MCU: variants seen among roughly 807,000 people sequenced by gnomAD.
MCU encodes mitochondrial calcium uniporter.
In MCU, 12 loss-of-function variants were observed where a neutral mutation model predicts 45.2. That is an observed-to-expected ratio of 0.27 (90% CI 0.17 to 0.43). MCU has a LOEUF of 0.43. Among genes scored for constraint, MCU ranks in the 20% least tolerant of loss-of-function variants. The probability of loss-of-function intolerance (pLI) is 1.00; values close to 1 mark genes in which losing one functional copy is unlikely to be tolerated. For synonymous variants in MCU, 160 were observed against 165.1 expected (o/e 0.97, Z 0.24); for missense variants, 324 against 436.7 (o/e 0.74, Z 2.30).
At chr10:72,739,623 G>A (rs1390807861) in intron 1 of MCU, among the ~76,000 whole-genome samples, 2 of 152,078 alleles carry the variant, frequency 1.3e-5, no homozygotes, top group East Asian at 3.8e-4. Context: ...CCGCTTTAGG[G>A]GTATGTGATT....
chr10:72,880,025 G>A (rs1468104865), intron 6 of MCU, among the ~76,000 whole-genome samples: 2 of 152,190 alleles, frequency 1.3e-5, no homozygotes, highest in African/African-American at 2.4e-5. Context: ...TCCAGCCTGG[G>A]TGACAGAGTG....
chr10:72,843,240 A>T (rs1295244327), intron 2 of MCU, among the ~76,000 whole-genome samples: 1 of 152,192 alleles, frequency 6.6e-6, no homozygotes, highest in African/African-American at 2.4e-5. Flanking sequence ...TATGACATGT[A>T]TCCACTGTTA....
rs375824522 is a variant in MCU at position 72,711,220 on chromosome 10, T to G, written c.150+18919T>G. 4.7e-5 allele frequency among the ~76,000 whole-genome samples: 7 copies of G among 148,356 alleles called. No homozygotes were observed. The East Asian group carries it at 1.2e-3, about 26-fold the overall frequency. On this transcript the variant is annotated intron_variant, in intron 1 of 7. Coordinates refer to ENST00000373053, the MANE Select transcript of MCU (RefSeq NM_138357.3). ...TACACTGTATGTATCCTTCTGCAAA[T>G]CTTTTTTTTTTTTTTTTTGGAATGG...
At chr10:72,820,722 G>A (rs1318768860) in intron 1 of MCU, among the ~76,000 whole-genome samples, 1 of 152,148 alleles carries the variant, frequency 6.6e-6, no homozygotes, top group African/African-American at 2.4e-5. Context: ...AGGCTGGCCA[G>A]GCTGGTCTCG....
At chr10:72,752,957 A>G (rs1359751499) in intron 1 of MCU, among the ~76,000 whole-genome samples, 1 of 152,248 alleles carries the variant, frequency 6.6e-6, no homozygotes, top group Non-Finnish European at 1.5e-5. Context: ...ATGCCATCAT[A>G]ACATCATAAC....
intron 1 of MCU, among the ~76,000 whole-genome samples, chr10:72,744,190 T>C (rs1843377294): frequency 6.6e-6 from 1 of 151,846 alleles, no homozygotes. Context: ...TATAACTATA[T>C]AGTTGATCTT....
At chr10:72,727,493 A>G (rs1272498322) in intron 1 of MCU, among the ~76,000 whole-genome samples, 6 of 152,172 alleles carry the variant, frequency 3.9e-5, no homozygotes, top group South Asian at 2.1e-4. Flanking sequence ...CTGCTTTTCT[A>G]CATTCCTGAT....
intron 1 of MCU, chr10:72,692,596 C>T: frequency 9.1e-7 from 1 of 1,099,298 alleles, no homozygotes; most frequent in East Asian, 6.0e-5. Context: ...CCCCGACTCG[C>T]CCCCAATCGC....
At chr10:72,715,187 T>G in intron 1 of MCU, 1 of 985,408 alleles carries the variant, frequency 1.0e-6, no homozygotes, top group Non-Finnish European at 1.2e-6. Flanking sequence ...GCCAGTGACA[T>G]CTTAGCTGCT....
At chr10:72,849,915 CTTT>C (rs34763405) in intron 2 of MCU, among the ~76,000 whole-genome samples, 14 of 141,372 alleles carry the variant, frequency 9.9e-5, no homozygotes, top group Non-Finnish European at 1.1e-4. Context: ...TTATCTTTTT[CTTT>C]TTTTTTTTTT....
chr10:72,713,372 C>G (rs1296339799), intron 1 of MCU, among the ~76,000 whole-genome samples: 1 of 152,128 alleles, frequency 6.6e-6, no homozygotes, highest in East Asian at 1.9e-4. Context: ...CTCCACCTCC[C>G]AGGTTCAAGT....
intron 1 of MCU, among the ~76,000 whole-genome samples, chr10:72,698,556 G>A (rs1025314521): frequency 2.6e-5 from 4 of 152,216 alleles, no homozygotes; most frequent in African/African-American, 9.6e-5. Flanking sequence ...CCAGGCTGGA[G>A]TGCAGTGGCG....
At position 72,770,687 on chromosome 10, in the gene MCU, C is replaced by T. The variant is rs144225571; in HGVS notation, c.151-63672C>T. On this transcript the variant is annotated intron_variant, in intron 1 of 7. Transcript: ENST00000373053. ...CATTTGTTTCTGTGCTTTCAAGTTACCTTTTGGTATTGTTTCCTTACTTCA... is the reference window on the plus strand; with the variant it reads ...CATTTGTTTCTGTGCTTTCAAGTTATCTTTTGGTATTGTTTCCTTACTTCA... 1.8e-4 allele frequency among the ~76,000 whole-genome samples: 28 copies of T among 152,054 alleles called. No homozygotes were observed. In the East Asian group the frequency reaches 4.6e-3, roughly 25 times the overall value.
chr10:72,785,230 G>A (rs571066679), intron 1 of MCU, among the ~76,000 whole-genome samples: 1 of 152,294 alleles, frequency 6.6e-6, no homozygotes, highest in Non-Finnish European at 1.5e-5. Context: ...TAACCTTGGT[G>A]TCTCTGCAAC....
intron 1 of MCU, among the ~76,000 whole-genome samples, chr10:72,792,231 A>C (rs2132765998): frequency 6.6e-6 from 1 of 152,250 alleles, no homozygotes; most frequent in Middle Eastern, 3.4e-3. Flanking sequence ...AGGCGGGGTA[A>C]ATTTCAGGAA....
chr10:72,865,698 G>T (rs889328061), intron 4 of MCU, among the ~76,000 whole-genome samples: 2 of 150,894 alleles, frequency 1.3e-5, no homozygotes, highest in Non-Finnish European at 2.9e-5. Flanking sequence ...CATGCCACAC[G>T]CCGGCAAATT....
intron 1 of MCU, among the ~76,000 whole-genome samples, chr10:72,731,811 A>T (rs1293120738): frequency 3.9e-5 from 6 of 152,326 alleles, no homozygotes; most frequent in African/African-American, 1.2e-4. Flanking sequence ...TTATTGCTAA[A>T]CAATAATGAT....
rs754255006 is a variant in MCU, at chr10:72,868,687, G to A, written c.497-16G>A. The A allele has an allele frequency of 6.2e-7, 1 of 1,608,966 alleles. No homozygotes were observed. Among genetic ancestry groups the A allele is most frequent in the South Asian group, 1.1e-5 (1 of 90,466 alleles). On this transcript the variant is annotated splice_polypyrimidine_tract_variant and intron_variant, in intron 4 of 7. Coordinates refer to ENST00000373053, the MANE Select transcript of MCU (RefSeq NM_138357.3). Reference sequence around the variant, plus strand: ...TTAAGGCATACATTTTTTAAAAAATGTAACTTTTGTTTCAGACCTCTTAAG... The same window carrying A: ...TTAAGGCATACATTTTTTAAAAAATATAACTTTTGTTTCAGACCTCTTAAG...
chr10:72,715,667 T>A (rs1842947934), intron 1 of MCU, among the ~76,000 whole-genome samples: 1 of 152,210 alleles, frequency 6.6e-6, no homozygotes, highest in South Asian at 2.1e-4. Context: ...TTAATTTGGC[T>A]TAATATATGG....
Sources: gnomAD v4.1 joint callset for allele counts (sites outside exome capture counted in the v4.1 genomes callset) on GRCh38, gnomAD v4.1.1 for gene constraint, MANE v1.5 for transcripts, NCBI Gene and HGNC (gene_info 2026-07-23, HGNC 2026-07-21) for gene names.